The following ZNF516 variants were observed in gnomAD, a reference collection of about 807,000 sequenced individuals.
ZNF516 encodes the protein zinc finger protein 516.
Under a neutral mutation model 79.7 loss-of-function variants are expected in ZNF516, and 19 were observed. The ratio of observed to expected loss-of-function variants is 0.24; its 90% CI spans 0.17 to 0.35. The LOEUF (loss-of-function observed/expected upper bound fraction) is 0.35, where lower values mean the gene tolerates loss of function less well. Among genes scored for constraint, ZNF516 ranks in the 10% least tolerant of loss-of-function variants. ZNF516 has a pLI of 1.00. For synonymous variants in ZNF516, 877 were observed against 739.5 expected, an observed-to-expected ratio of 1.19 and a Z score of -3.02; for missense variants, 1,678 against 1,679.5, an observed-to-expected ratio of 1.00 and a Z score of 0.02.
chr18:76,492,051 GC>G, intron 1 of ZNF516: 6 of 581,958 alleles, frequency 1.0e-5, no homozygotes, highest in Non-Finnish European at 1.3e-5. Flanking sequence ...CGGCCTGGTG[GC>G]CGGGCACACC....
chr18:76,485,804 GCAC>G (rs1914795357), intron 1 of ZNF516, among the ~76,000 whole-genome samples: 2 of 150,092 alleles, frequency 1.3e-5, no homozygotes, highest in Admixed American at 6.6e-5. Flanking sequence ...TTCCAGGGCC[GCAC>G]CACAGAAGCT....
At chr18:76,458,821 G>C (rs1912911789) in intron 2 of ZNF516, among the ~76,000 whole-genome samples, 1 of 151,270 alleles carries the variant, frequency 6.6e-6, no homozygotes, top group Non-Finnish European at 1.5e-5. Flanking sequence ...CGTCGTGCGT[G>C]TGCGTGCCTC....
chr18:76,447,894 AGTGT>A (rs1331579887), intron 2 of ZNF516, among the ~76,000 whole-genome samples: 1 of 151,874 alleles, frequency 6.6e-6, no homozygotes, highest in Non-Finnish European at 1.5e-5. Flanking sequence ...AGTGTGTGTG[AGTGT>A]GTGTGTATGT....
At chr18:76,488,263 TAAAA>T in intron 1 of ZNF516, 1 of 984,390 alleles carries the variant, frequency 1.0e-6, no homozygotes, top group Middle Eastern at 5.2e-4. Flanking sequence ...AATACAGTAA[TAAAA>T]TTAGTTCTTC....
In ZNF516 at chr18:76,463,114, C is replaced by T. The variant is rs775352078; in HGVS notation, c.-244G>A. 1 of 152,158 alleles carries T rather than the reference C, an allele frequency of 6.6e-6. No individual in the cohort carries two copies. Among genetic ancestry groups the T allele is most frequent in the African/African-American group, 2.4e-5 (1 of 41,414 alleles). 9.4% of individuals were successfully genotyped at this position (152,158 alleles called of 1,614,324 possible). A position where few individuals can be genotyped will look rare whatever the true frequency, so the allele number is the denominator to read the frequency against. ...TCAGCTAAAAGTGTTCAGAGAAGGACCGAACTCCACTCGGCCTCTCTCAGA... is the reference window on the plus strand; with the variant it reads ...TCAGCTAAAAGTGTTCAGAGAAGGATCGAACTCCACTCGGCCTCTCTCAGA... On this transcript the variant is annotated 5_prime_UTR_variant, in exon 2 of 7. Transcript: ENST00000443185.
chr18:76,406,856 G>A (rs756624731), intron 3 of ZNF516, among the ~76,000 whole-genome samples: 10 of 152,158 alleles, frequency 6.6e-5, no homozygotes, highest in Non-Finnish European at 1.3e-4. Context: ...AGACCCACAC[G>A]AGCACCGCCT....
At chr18:76,490,151 T>G (rs1403090016) in intron 1 of ZNF516, 1 of 985,200 alleles carries the variant, frequency 1.0e-6, no homozygotes, top group Non-Finnish European at 1.2e-6. Flanking sequence ...CAGAATTCAG[T>G]TCATCCCAGA....
In ZNF516 at chr18:76,491,124, G is replaced by A. The variant is rs1352100287; in HGVS notation, c.-272+4020C>T. On this transcript the variant is annotated intron_variant, in intron 1 of 6. Coordinates refer to ENST00000443185, the MANE Select transcript of ZNF516 (RefSeq NM_014643.4). ...CTTTCCCACCGCCCCACCTCCGCCA[G>A]AACAAAGTGAAGTTTAAAATAGAAA... The A allele has an allele frequency of 1.0e-5, 10 of 980,780 alleles. No individual in the cohort carries two copies. The South Asian group carries it at 3.3e-4, about 32-fold the overall frequency. The allele number at this position is 980,780 out of a possible 1,614,324, so 60.8% of individuals were successfully genotyped here.
chr18:76,492,116 G>A (rs1915264390), intron 1 of ZNF516: 1 of 973,026 alleles, frequency 1.0e-6, no homozygotes, highest in Non-Finnish European at 1.2e-6. Context: ...CTCCGGGGAG[G>A]TAGTGGGCAC....
At chr18:76,365,545 G>A (rs769316813) in intron 6 of ZNF516, among the ~76,000 whole-genome samples, 7 of 152,216 alleles carry the variant, frequency 4.6e-5, no homozygotes, top group Non-Finnish European at 1.0e-4. Context: ...GAATGCTGAT[G>A]ATTACTAGAA....
At chr18:76,494,237 T>C (rs529923384) in intron 1 of ZNF516, among the ~76,000 whole-genome samples, 72 of 152,344 alleles carry the variant, frequency 4.7e-4, no homozygotes, top group African/African-American at 1.5e-3. Context: ...TTAATCTAAA[T>C]ACTGATCGTA....
chr18:76,435,791 C>A (rs1396621745), intron 3 of ZNF516, among the ~76,000 whole-genome samples: 5 of 152,230 alleles, frequency 3.3e-5, no homozygotes, highest in Non-Finnish European at 7.3e-5. Context: ...ACCGTGCCAG[C>A]TCTTCCAAAG....
chr18:76,463,619 C>A (rs1324592765), intron 1 of ZNF516, among the ~76,000 whole-genome samples: 1 of 152,318 alleles, frequency 6.6e-6, no homozygotes, highest in Non-Finnish European at 1.5e-5. Context: ...TGTGGGGCGC[C>A]ACCTACTCAC....
rs1205585506 is a variant in ZNF516, at chr18:76,360,426, T to A, written c.*2072A>T. 6.6e-6 allele frequency: 1 copy of A among 151,888 alleles called. No individual in the cohort carries two copies. Among genetic ancestry groups the A allele is most frequent in the Non-Finnish European group, 1.5e-5 (1 of 67,980 alleles). The allele number at this position is 151,888 out of a possible 1,614,324, so 9.4% of individuals were successfully genotyped here. A position where few individuals can be genotyped will look rare whatever the true frequency, so the allele number is the denominator to read the frequency against. ...GAAATGATCACTGTGGGGAAACTAC[T>A]GAAATGATTAAACATAAATCAACAG... is the stretch of plus-strand genomic sequence containing the variant. On this transcript the variant is annotated 3_prime_UTR_variant, in exon 7 of 7. Transcript: ENST00000443185.
chr18:76,419,997 A>G (rs1205370667), intron 3 of ZNF516, among the ~76,000 whole-genome samples: 1 of 152,180 alleles, frequency 6.6e-6, no homozygotes, highest in Non-Finnish European at 1.5e-5. Flanking sequence ...ATTTCTACTG[A>G]CCTCACACAG....
At chr18:76,477,804 A>G (rs1377292594) in intron 1 of ZNF516, among the ~76,000 whole-genome samples, 4 of 152,116 alleles carry the variant, frequency 2.6e-5, no homozygotes, top group Non-Finnish European at 4.4e-5. Flanking sequence ...CAAACTCATT[A>G]CACTGCATTT....
intron 4 of ZNF516, among the ~76,000 whole-genome samples, chr18:76,376,362 A>T (rs1204399000): frequency 6.6e-6 from 1 of 152,192 alleles, no homozygotes. Flanking sequence ...AAAAGGTGAG[A>T]GCACTTCCCT....
intron 3 of ZNF516, among the ~76,000 whole-genome samples, chr18:76,431,807 C>T (rs534908882): frequency 6.6e-6 from 1 of 152,210 alleles, no homozygotes; most frequent in African/African-American, 2.4e-5. Flanking sequence ...GCTCCCTATA[C>T]AGTCTGCAGA....
At chr18:76,392,261 G>A (rs922985135) in intron 3 of ZNF516, among the ~76,000 whole-genome samples, 1 of 152,208 alleles carries the variant, frequency 6.6e-6, no homozygotes, top group Non-Finnish European at 1.5e-5. Context: ...AAGACTCTAG[G>A]TTCCTAAATA....
Sources: gnomAD v4.1 joint callset for allele counts (sites outside exome capture counted in the v4.1 genomes callset) on GRCh38, gnomAD v4.1.1 for gene constraint, MANE v1.5 for transcripts, NCBI Gene and HGNC (gene_info 2026-07-23, HGNC 2026-07-21) for gene names.